Variants in NEB observed in about 807,000 individuals in gnomAD.
The protein encoded by NEB is nemaline myopathy type 2.
A neutral mutation model predicts 952.2 loss-of-function variants in NEB; 512 were observed. The ratio of observed to expected loss-of-function variants is 0.54; its 90% CI spans 0.50 to 0.58. NEB has a LOEUF of 0.58. Ranked by LOEUF, NEB falls within the 20% of genes least tolerant of loss-of-function variation. NEB has a pLI of 0.00. For missense variants in NEB, 8,428 were observed against 9,231.1 expected (o/e 0.91, Z 3.56); for synonymous variants, 2,900 against 3,149.8 (o/e 0.92, Z 2.66).
chr2:151,712,121 T>C (rs1031551711), intron 10 of NEB, among the ~76,000 whole-genome samples: 3 of 152,166 alleles, frequency 2.0e-5, no homozygotes, highest in African/African-American at 4.8e-5. Context: ...GATGTACACA[T>C]ACCTCAGGTT....
At chr2:151,581,706 T>C in intron 102 of NEB, 119 bp from the exon 103 acceptor site, 1 of 1,104,838 alleles carries the variant, frequency 9.1e-7, no homozygotes, top group Non-Finnish European at 1.3e-6. Context: ...AAATTTTAAG[T>C]GAATTTTATA....
intron 5 of NEB, among the ~76,000 whole-genome samples, chr2:151,726,714 T>G (rs2099791769): frequency 6.6e-6 from 1 of 152,164 alleles, no homozygotes; most frequent in Non-Finnish European, 1.5e-5. Context: ...TAGAATCATC[T>G]GGGCAGCTTT....
intron 16 of NEB, among the ~76,000 whole-genome samples, 187 bp downstream of exon 16, chr2:151,696,961 C>T (rs1156246763): frequency 6.6e-6 from 1 of 152,158 alleles, no homozygotes; most frequent in Non-Finnish European, 1.5e-5. Flanking sequence ...GGAAAATGAG[C>T]TAGAATTACC....
intron 135 of NEB, among the ~76,000 whole-genome samples, chr2:151,542,315 T>C (rs76855426): frequency 6.6e-6 from 1 of 152,276 alleles, no homozygotes; most frequent in African/African-American, 2.4e-5. Context: ...CGGGGTGATC[T>C]CATCTGTACC....
Position 151,727,905 on chromosome 2 carries a change from G to T in NEB, c.80C>A (p.Thr27Lys). 1 of 1,611,840 alleles carries T rather than the reference G, an allele frequency of 6.2e-7. No individual in the cohort carries two copies. Among genetic ancestry groups the T allele is most frequent in the Non-Finnish European group, 8.5e-7 (1 of 1,178,676 alleles). ...EVVYEEVPGE[T>K]ITKIYETTTT... is the part of the protein sequence containing the mutation. The stretch of plus-strand genomic sequence containing the variant: ...CGTAGTCTCATAAATTTTTGTTATT[G>T]TCTGAAAATTTGATATGCAGTTCAA... Residue 27 changes from threonine to lysine, a missense_variant and splice_region_variant, in exon 5 of 182, where the codon ACA becomes AAA. Physicochemically the swap from Thr to Lys is moderately conservative, Grantham distance 78. Coordinates refer to ENST00000397345, the MANE Select transcript of NEB (RefSeq NM_001164508.2).
At chr2:151,643,102 C>T (rs1473998150) in intron 58 of NEB, 48 bp downstream of exon 58, 1 of 1,547,294 alleles carries the variant, frequency 6.5e-7, no homozygotes, top group Non-Finnish European at 8.9e-7. Flanking sequence ...TCAGTGTTTC[C>T]ATAAACAAAA....
chr2:151,497,712 A>G lies in NEB; in HGVS notation c.24214T>C (p.Tyr8072His). The G allele has an allele frequency of 6.3e-7, 1 of 1,576,272 alleles. No individual in the cohort carries two copies. Among genetic ancestry groups the G allele is most frequent in the Non-Finnish European group, 8.6e-7 (1 of 1,158,574 alleles). ...GTTCCCTTGCCCATGTTTTCTTTGT[A>G]TAACACCTGTGCGATAAGAAAGCAT... Reference protein sequence around the residue: ...HNQENLSSVLYKENMGKGTPL... With the variant: ...HNQENLSSVLHKENMGKGTPL... Residue 8072 changes from tyrosine to histidine, a missense_variant, in exon 171 of 182, where the codon TAC (tyrosine) becomes CAC (histidine). Physicochemically the swap from Tyr to His is moderately conservative, Grantham distance 83. Around this residue, in one of 11 missense-constraint regions of NEB, gnomAD observed 3,374 missense variants for 3,651.5 expected, o/e 0.92. Coordinates refer to ENST00000397345, the MANE Select transcript of NEB (RefSeq NM_001164508.2).
intron 13 of NEB, among the ~76,000 whole-genome samples, chr2:151,702,556 T>C (rs1050880043): frequency 2.6e-5 from 4 of 151,878 alleles, no homozygotes; most frequent in African/African-American, 9.7e-5. Flanking sequence ...GTTCCTGTAT[T>C]GGGTGCATAT....
At chr2:151,687,363 G>A (rs1174454628) in intron 27 of NEB, 56 bp downstream of exon 27, 13 of 1,438,220 alleles carry the variant, frequency 9.0e-6, no homozygotes, top group Non-Finnish European at 1.3e-5. Flanking sequence ...ACTACCCTTG[G>A]GCATCGTAAC....
chr2:151,628,248 A>G (rs1398978784), intron 68 of NEB, among the ~76,000 whole-genome samples: 1 of 152,178 alleles, frequency 6.6e-6, no homozygotes, highest in East Asian at 1.9e-4. Context: ...TGAGACTGCT[A>G]TTCCTGAGTC....
Position 151,621,005 on chromosome 2 carries a change from C to A in NEB, c.10474G>T (p.Glu3492Ter). The change falls in exon 72 of 182, where the codon GAA (glutamate) becomes TAA (stop). Residue 3492 changes from glutamate (E) to a stop codon, truncating the protein, a stop_gained. Transcript: ENST00000397345. LOFTEE classifies it high-confidence loss of function. ...TCATAGCCTTCTTTCTTGGCTTCTT[C>A]CATGGCCTGACGATAGAGGCTCTGA... ...YSESLYRQAMEEAKKEGYDLR... is the reference protein window; with the variant it reads ...YSESLYRQAM The A allele has an allele frequency of 2.5e-6, 4 of 1,610,910 alleles. No individual in the cohort carries two copies. The highest frequency in any genetic ancestry group is 3.4e-6 in the Non-Finnish European group (4 of 1,178,450).
chr2:151,720,645 G>A (rs2099771642), intron 9 of NEB, among the ~76,000 whole-genome samples: 1 of 152,172 alleles, frequency 6.6e-6, no homozygotes, highest in South Asian at 2.1e-4. Flanking sequence ...CCATTTGATA[G>A]ATGAAGGGAG....
Position 151,665,497 on chromosome 2 carries a change from C to A in NEB, c.5074G>T (p.Gly1692Cys). Residue 1692 changes from glycine (G) to cysteine (C), a missense_variant, in exon 42 of 182, where the codon GGC (glycine) becomes TGC (cysteine). Transcript: ENST00000397345. ...TCCAGGGACTCTATGGGCACCCAGCCGATCCCTTTCATCCAATTGGTGAAG... is the reference window on the plus strand; with the variant it reads ...TCCAGGGACTCTATGGGCACCCAGCAGATCCCTTTCATCCAATTGGTGAAG... ...SDFTNWMKGI[G>C]WVPIESLEVE... 11 of 1,611,568 alleles carry A rather than the reference C, an allele frequency of 6.8e-6. No individual in the cohort carries two copies. Among genetic ancestry groups the A allele is most frequent in the Non-Finnish European group, 9.3e-6 (11 of 1,178,930 alleles).
intron 68 of NEB, among the ~76,000 whole-genome samples, chr2:151,628,432 T>C (rs2098574154): frequency 6.6e-6 from 1 of 152,088 alleles, no homozygotes; most frequent in Non-Finnish European, 1.5e-5. Flanking sequence ...AAGTGAAAAA[T>C]GGAATATGTA....
Position 151,565,552 on chromosome 2 carries a change from C to T in NEB, c.18315G>A (p.Val6105=), listed in dbSNP as rs780014802. The T allele has an allele frequency of 6.2e-7, 1 of 1,603,092 alleles. No homozygotes were observed. The part of the protein sequence containing the change: ...LENYPNFRSV[V]DPPEIVLAKI... The stretch of plus-strand genomic sequence containing the variant: ...TGGCTAAAACAATCTCTGGAGGATC[C>T]ACCACACTTCTAAAGTTAGGATAGT... The change falls in exon 116 of 182, where the codon GTG becomes GTA. Residue 6105 remains valine (V), a synonymous_variant. Coordinates refer to ENST00000397345, the MANE Select transcript of NEB (RefSeq NM_001164508.2).
At chr2:151,555,389 C>T (rs1396934124) in intron 124 of NEB, among the ~76,000 whole-genome samples, 2 of 152,152 alleles carry the variant, frequency 1.3e-5, no homozygotes, top group Non-Finnish European at 2.9e-5. Context: ...AAAATATTCT[C>T]TTGTGGTAAT....
intron 117 of NEB, 31 bp downstream of exon 117, chr2:151,565,013 T>C (rs2096288795): frequency 5.4e-6 from 7 of 1,297,416 alleles, no homozygotes; most frequent in Middle Eastern, 1.8e-4. Flanking sequence ...AAATTAGAAA[T>C]TGAGTGGTTA....
chr2:151,698,935 T>A (rs1406794967), intron 13 of NEB, among the ~76,000 whole-genome samples: 1 of 147,308 alleles, frequency 6.8e-6, no homozygotes, highest in South Asian at 2.2e-4. Flanking sequence ...TAGTTACATA[T>A]GTATACATGT....
chr2:151,517,509 T>C (rs530026840), intron 156 of NEB, among the ~76,000 whole-genome samples: 34 of 152,338 alleles, frequency 2.2e-4, no homozygotes, highest in African/African-American at 7.9e-4. Flanking sequence ...GAATCTTCAA[T>C]TATAGTCATG....
Sources: allele counts gnomAD v4.1 joint callset (sites outside exome capture counted in the v4.1 genomes callset), GRCh38; gene constraint gnomAD v4.1.1; regional missense constraint gnomAD v4.1.1; transcripts MANE v1.5; gene names NCBI Gene and HGNC (gene_info 2026-07-23, HGNC 2026-07-21).